Variants in SSBP2 observed in about 807,000 individuals in gnomAD.
SSBP2 encodes single-stranded DNA-binding protein 2.
In SSBP2, 17 loss-of-function variants were observed where a neutral mutation model predicts 61.8. The ratio of observed to expected loss-of-function variants is 0.28; its 90% CI spans 0.19 to 0.41. The LOEUF (loss-of-function observed/expected upper bound fraction) is 0.41, where lower values mean the gene tolerates loss of function less well. Among genes scored for constraint, SSBP2 ranks in the 10% least tolerant of loss-of-function variants. The pLI, the probability that SSBP2 is intolerant of heterozygous loss-of-function variation, is 1.00. For synonymous variants in SSBP2, 139 were observed against 141.3 expected (o/e 0.98, Z 0.12); for missense variants, 310 against 458.7 (o/e 0.68, Z 2.96).
intron 5 of SSBP2, among the ~76,000 whole-genome samples, chr5:81,511,448 C>T (rs1768600210): frequency 6.6e-6 from 1 of 152,164 alleles, no homozygotes; most frequent in East Asian, 1.9e-4. Context: ...AGGTTCTTAA[C>T]ATGTGCCATG....
At chr5:81,440,714 T>C (rs1762976006) in intron 13 of SSBP2, 78 bp from the exon 14 acceptor site, 1 of 1,037,084 alleles carries the variant, frequency 9.6e-7, no homozygotes, top group East Asian at 2.5e-5. Context: ...ATATTTAACA[T>C]TACAAGACAC....
chr5:81,504,965 C>G (rs1768066728), intron 5 of SSBP2, among the ~76,000 whole-genome samples: 1 of 152,210 alleles, frequency 6.6e-6, no homozygotes, highest in Non-Finnish European at 1.5e-5. Flanking sequence ...CTCCCTACCC[C>G]CAAGAATTCT....
chr5:81,485,894 T>C (rs1214589251), intron 6 of SSBP2, among the ~76,000 whole-genome samples: 1 of 152,176 alleles, frequency 6.6e-6, no homozygotes, highest in East Asian at 1.9e-4. Flanking sequence ...CATAACAAAA[T>C]TGAGAAACCG....
chr5:81,740,593 T>C (rs971149027), intron 1 of SSBP2, among the ~76,000 whole-genome samples: 13 of 152,190 alleles, frequency 8.5e-5, no homozygotes, highest in African/African-American at 2.2e-4. Flanking sequence ...CAATAGGCCA[T>C]ACGCTGCTTG....
intron 4 of SSBP2, among the ~76,000 whole-genome samples, chr5:81,608,308 A>G (rs1745076644): frequency 6.6e-6 from 1 of 151,898 alleles, no homozygotes; most frequent in Non-Finnish European, 1.5e-5. Flanking sequence ...TTTCCATTTT[A>G]TTTGTCACCA....
chr5:81,494,365 G>C (rs996774396), intron 5 of SSBP2, among the ~76,000 whole-genome samples: 19 of 152,166 alleles, frequency 1.2e-4, no homozygotes, highest in Admixed American at 7.2e-4. Flanking sequence ...ATTTCTACAT[G>C]TTCTAGTGAT....
At chr5:81,615,759 A>G (rs944587432) in intron 3 of SSBP2, among the ~76,000 whole-genome samples, 1 of 152,236 alleles carries the variant, frequency 6.6e-6, no homozygotes, top group African/African-American at 2.4e-5. Flanking sequence ...GAAATGCTAA[A>G]TAAGACTTTT....
chr5:81,589,273 A>G (rs914218889), intron 4 of SSBP2, among the ~76,000 whole-genome samples: 1 of 152,262 alleles, frequency 6.6e-6, no homozygotes, highest in Admixed American at 6.5e-5. Context: ...TCTGACTACA[A>G]AAGATAAACA....
chr5:81,456,866 G>C (rs1387020788), intron 10 of SSBP2, among the ~76,000 whole-genome samples: 1 of 152,198 alleles, frequency 6.6e-6, no homozygotes, highest in East Asian at 1.9e-4. Flanking sequence ...GGATAAGACA[G>C]ACAGGTTTCA....
At chr5:81,547,248 T>C (rs945268577) in intron 4 of SSBP2, among the ~76,000 whole-genome samples, 1 of 152,138 alleles carries the variant, frequency 6.6e-6, no homozygotes, top group Non-Finnish European at 1.5e-5. Context: ...ATCCAGCAAC[T>C]GCTCTCCTTG....
At chr5:81,461,473 AAT>A (rs768338959) in intron 9 of SSBP2, among the ~76,000 whole-genome samples, 3 of 152,284 alleles carry the variant, frequency 2.0e-5, no homozygotes, top group South Asian at 2.1e-4. Context: ...TTGTGATATC[AAT>A]ATGAGCTTCC....
intron 4 of SSBP2, among the ~76,000 whole-genome samples, chr5:81,596,699 T>C (rs1194307756): frequency 1.7e-4 from 11 of 63,730 alleles, no homozygotes; most frequent in Admixed American, 5.8e-4. Context: ...TCTACAACCA[T>C]CTGATCTTTG....
intron 1 of SSBP2, among the ~76,000 whole-genome samples, chr5:81,730,420 T>C (rs916300981): frequency 1.3e-5 from 2 of 152,272 alleles, no homozygotes; most frequent in African/African-American, 4.8e-5. Context: ...AGGCAGAGTT[T>C]CACCATGTTG....
At chr5:81,612,245 G>A (rs964044743) in intron 4 of SSBP2, among the ~76,000 whole-genome samples, 2 of 152,050 alleles carry the variant, frequency 1.3e-5, no homozygotes, top group African/African-American at 4.8e-5. Flanking sequence ...CTCAATATGT[G>A]CACATACAAA....
At chr5:81,683,149 T>A (rs74331337) in intron 1 of SSBP2, among the ~76,000 whole-genome samples, 1 of 152,102 alleles carries the variant, frequency 6.6e-6, no homozygotes, top group African/African-American at 2.4e-5. Flanking sequence ...TTTGTGGATA[T>A]CAAAAAATTA....
chr5:81,734,758 T>C (rs575156173), intron 1 of SSBP2, among the ~76,000 whole-genome samples: 30 of 152,050 alleles, frequency 2.0e-4, no homozygotes, highest in African/African-American at 6.3e-4. Flanking sequence ...GATCATGAGG[T>C]CAGGAGATCA....
intron 4 of SSBP2, among the ~76,000 whole-genome samples, chr5:81,548,839 G>A (rs1201346212): frequency 2.0e-5 from 3 of 152,060 alleles, no homozygotes; most frequent in South Asian, 2.1e-4. Context: ...GAAGACTGGC[G>A]TGAACCCAGG....
intron 1 of SSBP2, among the ~76,000 whole-genome samples, chr5:81,715,682 A>T (rs1458182369): frequency 1.3e-5 from 2 of 152,222 alleles, no homozygotes; most frequent in Non-Finnish European, 2.9e-5. Flanking sequence ...TCATGTAAAC[A>T]TTAAATACTG....
chr5:81,426,878 C>T (rs887712359), intron 16 of SSBP2, among the ~76,000 whole-genome samples: 1 of 152,184 alleles, frequency 6.6e-6, no homozygotes, highest in African/African-American at 2.4e-5. Flanking sequence ...TTTTTTCCAA[C>T]TCCAAATTAA....
Sources: allele counts gnomAD v4.1 joint callset (sites outside exome capture counted in the v4.1 genomes callset), GRCh38; gene constraint gnomAD v4.1.1; transcripts MANE v1.5; gene names NCBI Gene and HGNC (gene_info 2026-07-23, HGNC 2026-07-21).